POLE: variants seen among roughly 807,000 people sequenced by gnomAD.
The protein encoded by POLE is DNA polymerase epsilon, catalytic subunit, also known as DNA polymerase epsilon catalytic subunit A.
POLE carries 188 observed loss-of-function variants against 279.2 expected under a neutral mutation model. The observed-to-expected ratio is 0.67, with a 90% CI of 0.60 to 0.76. POLE has a LOEUF of 0.76. Ranked by LOEUF, POLE falls within the 30% of genes least tolerant of loss-of-function variation. The probability of loss-of-function intolerance (pLI) is 0.00; values close to 1 mark genes in which losing one functional copy is unlikely to be tolerated. For synonymous variants in POLE, 1,214 were observed against 1,172.5 expected (o/e 1.04, Z -0.72); for missense variants, 2,703 against 3,016.7 (o/e 0.90, Z 2.44).
At chr12:132,656,801 T>C (rs1307294540) in intron 29 of POLE, among the ~76,000 whole-genome samples, 1 of 152,224 alleles carries the variant, frequency 6.6e-6, no homozygotes, top group East Asian at 1.9e-4. Context: ...TTTCTAAGTG[T>C]TTCCATAGGG....
At chr12:132,637,911 C>G (rs910799397) in intron 41 of POLE, 103 bp downstream of exon 41, 2 of 1,358,022 alleles carry the variant, frequency 1.5e-6, no homozygotes, top group Non-Finnish European at 1.0e-6. Context: ...GCACTTCTAA[C>G]GACCTCCCAG....
At chr12:132,671,883 T>G (rs1472806562) in intron 16 of POLE, among the ~76,000 whole-genome samples, 1 of 152,118 alleles carries the variant, frequency 6.6e-6, no homozygotes, top group Non-Finnish European at 1.5e-5. Flanking sequence ...CAACAAAAAG[T>G]AAATAAAATT....
chr12:132,666,862 A>G (rs1418918417), intron 20 of POLE, among the ~76,000 whole-genome samples: 1 of 152,164 alleles, frequency 6.6e-6, no homozygotes, highest in Non-Finnish European at 1.5e-5. Context: ...ACTAAATGTC[A>G]TATTATGTCC....
chr12:132,641,073 TTA>T, intron 39 of POLE: 1 of 456,704 alleles, frequency 2.2e-6, no homozygotes, highest in Non-Finnish European at 4.4e-6. Context: ...CTCAGTTTCC[TTA>T]TCTGAAAAAC....
chr12:132,675,235 G>A lies in POLE; in HGVS notation c.1226+163C>T, dbSNP rs1031890585. On this transcript the variant is annotated intron_variant, in intron 12 of 48. Coordinates refer to ENST00000320574, the MANE Select transcript of POLE (RefSeq NM_006231.4). The surrounding 1 kb of genome is among the most constrained non-coding windows in gnomAD (Gnocchi z 4.3). ...TCAACAGTCAAAGACAGCACATCCC[G>A]GGCCCTGGCAGGGTTGCAGCTGCCA... Among the ~76,000 whole-genome samples, 9 of 152,192 alleles carry A rather than the reference G, an allele frequency of 5.9e-5. No homozygotes were observed. The highest frequency in any genetic ancestry group is 8.8e-5 in the Non-Finnish European group (6 of 68,034).
At chr12:132,683,008 T>C (rs1488960238) in intron 1 of POLE, among the ~76,000 whole-genome samples, 1 of 152,074 alleles carries the variant, frequency 6.6e-6, no homozygotes, top group African/African-American at 2.4e-5. Context: ...AGACCCTTCC[T>C]TTGTCTGAAG....
intron 20 of POLE, among the ~76,000 whole-genome samples, chr12:132,667,171 C>T (rs963028982): frequency 6.6e-6 from 1 of 152,084 alleles, no homozygotes; most frequent in African/African-American, 2.4e-5. Flanking sequence ...CCCATGACAG[C>T]GGGAAAGAGA....
rs1284425053 is a variant in POLE at position 132,634,736 on chromosome 12, G to A, written c.5812-358C>T. 6.6e-6 allele frequency among the ~76,000 whole-genome samples: 1 copy of A among 152,076 alleles called. No individual in the cohort carries two copies. The highest frequency in any genetic ancestry group is 1.5e-5 in the Non-Finnish European group (1 of 68,012). On this transcript the variant is annotated intron_variant, in intron 42 of 48. Transcript: ENST00000320574. The surrounding 1 kb of genome is among the most constrained non-coding windows in gnomAD (Gnocchi z 4.0). ...TCTGAGTCCATGAATCTCCTGGGAC[G>A]GCACGACCCCATCACAGACCCAGCC...
In POLE at chr12:132,624,692, G is replaced by A. The variant is rs767862489; in HGVS notation, c.*5C>T. On this transcript the variant is annotated 3_prime_UTR_variant, in exon 49 of 49. Transcript: ENST00000320574. ...GACGCAGAGGCACCCGGGGCCCGGG[G>A]CTGGCTAATGGCCCAGCTGTGGGTT... 6.3e-7 allele frequency: 1 copy of A among 1,584,022 alleles called. No individual in the cohort carries two copies. The highest frequency in any genetic ancestry group is 1.7e-5 in the Admixed American group (1 of 60,010).
intron 16 of POLE, among the ~76,000 whole-genome samples, chr12:132,671,517 A>G (rs2042927275): frequency 6.6e-6 from 1 of 150,812 alleles, no homozygotes; most frequent in African/African-American, 2.5e-5. Flanking sequence ...AAAAATACAA[A>G]AACTAGCCAG....
In POLE at chr12:132,642,554, T is replaced by C. The variant is rs777021351; in HGVS notation, c.4904A>G (p.His1635Arg). ...QRHGARRMIRHYLNLDTCLSQ... is the reference protein window; with the variant it reads ...QRHGARRMIRRYLNLDTCLSQ... ...CAGGCAGGTGTCCAGGTTGAGGTAG[T>C]GACGGATCATGCGCCGGGCTCCATG... The change falls in exon 37 of 49, where the codon CAC becomes CGC. Residue 1635 changes from histidine (H) to arginine (R), a missense_variant. Physicochemically the swap from His to Arg is conservative, Grantham distance 29. Coordinates refer to ENST00000320574, the MANE Select transcript of POLE (RefSeq NM_006231.4). 2 of 1,613,606 alleles carry C rather than the reference T, an allele frequency of 1.2e-6. No homozygotes were observed. Among genetic ancestry groups the C allele is most frequent in the South Asian group, 2.2e-5 (2 of 91,084 alleles).
chr12:132,634,283 T>C lies in POLE; in HGVS notation c.5907A>G (p.Glu1969=), dbSNP rs1060504069. 2 of 1,614,212 alleles carry C rather than the reference T, an allele frequency of 1.2e-6. No individual in the cohort carries two copies. The highest frequency in any genetic ancestry group is 1.7e-6 in the Non-Finnish European group (2 of 1,180,026). ...RDGEEEEEAE[E]SNVEDLLENN... ...TTTCCAGTAAATCCTCCACGTTGGATTCCTCCGCCTCTTCCTCCTCCTCCC... is the reference window on the plus strand; with the variant it reads ...TTTCCAGTAAATCCTCCACGTTGGACTCCTCCGCCTCTTCCTCCTCCTCCC... Residue 1969 remains glutamate (E), a synonymous_variant, in exon 43 of 49, where the codon GAA becomes GAG. Transcript: ENST00000320574. The surrounding 1 kb of genome is among the most constrained non-coding windows in gnomAD (Gnocchi z 4.0).
At position 132,634,106 on chromosome 12, in the gene POLE, G is replaced by T; in HGVS notation, c.6004+80C>A. The T allele has an allele frequency of 2.3e-6, 3 of 1,286,324 alleles. No individual in the cohort carries two copies. Among genetic ancestry groups the T allele is most frequent in the Non-Finnish European group, 2.2e-6 (2 of 919,790 alleles). The allele number at this position is 1,286,324 out of a possible 1,614,324, so 79.7% of individuals were successfully genotyped here. ...TGATTTTCCCTGTCTCCCTTCTTGC[G>T]ATACCATGGCACAGGAGCCACATCT... On this transcript the variant is annotated intron_variant, in intron 43 of 48. Transcript: ENST00000320574. This position sits in a 1 kb window ranked among gnomAD's most constrained non-coding sequence, Gnocchi z 4.0.
At chr12:132,641,043 A>G in intron 39 of POLE, 1 of 456,744 alleles carries the variant, frequency 2.2e-6, no homozygotes, top group Non-Finnish European at 4.4e-6. Context: ...TGGTATGACC[A>G]CAAAGGCAGC....
At chr12:132,644,031 G>C (rs112599221) in intron 32 of POLE, 54 bp from the exon 33 acceptor site, 2 of 1,582,270 alleles carry the variant, frequency 1.3e-6, no homozygotes. Flanking sequence ...TAATGTCTGT[G>C]GTACACACAC....
intron 40 of POLE, 128 bp downstream of exon 40, chr12:132,638,997 T>C (rs1230074252): frequency 6.2e-6 from 5 of 804,352 alleles, no homozygotes; most frequent in African/African-American, 1.7e-5. Flanking sequence ...TGGATTGTTA[T>C]GCTCCACAAA....
chr12:132,668,511 G>A lies in POLE; in HGVS notation c.2027-9C>T, dbSNP rs2135976538. 1 of 1,584,186 alleles carries A rather than the reference G, an allele frequency of 6.3e-7. No homozygotes were observed. The highest frequency in any genetic ancestry group is 8.6e-7 in the Non-Finnish European group (1 of 1,161,538). ...GCTGCGACTGGCTGGCACTGGGAAG[G>A]AGGCAATGGGGGCAAGTTCAAAAGG... On this transcript the variant is annotated splice_polypyrimidine_tract_variant and intron_variant, in intron 18 of 48. Coordinates refer to ENST00000320574, the MANE Select transcript of POLE (RefSeq NM_006231.4). The surrounding 1 kb of genome is among the most constrained non-coding windows in gnomAD (Gnocchi z 4.0).
Position 132,641,694 on chromosome 12 carries a change from A to G in POLE, c.5331T>C (p.Ser1777=), listed in dbSNP as rs1472516204. ...EDMITGGQAA[S]APASYDETAL... ...CTGTCTCATCGTAGCTGGCCGGGGC[A>G]CTGGCAGCCTGACCACCCGTGATCA... The change falls in exon 39 of 49, where the codon AGT becomes AGC. Residue 1777 remains serine, a synonymous_variant. Transcript: ENST00000320574. The G allele has an allele frequency of 6.2e-7, 1 of 1,613,940 alleles. No homozygotes were observed. The highest frequency in any genetic ancestry group is 8.5e-7 in the Non-Finnish European group (1 of 1,180,024).
At chr12:132,667,907 C>A (rs914239897) in intron 19 of POLE, among the ~76,000 whole-genome samples, 2 of 152,040 alleles carry the variant, frequency 1.3e-5, no homozygotes, top group African/African-American at 4.8e-5. Context: ...CATGGCAAGA[C>A]CCCATCTCTA....
Sources: gnomAD v4.1 joint callset for allele counts (sites outside exome capture counted in the v4.1 genomes callset) on GRCh38, gnomAD v4.1.1 for gene constraint, Gnocchi (gnomAD v3.1) non-coding constraint, MANE v1.5 for transcripts, NCBI Gene and HGNC (gene_info 2026-07-23, HGNC 2026-07-21) for gene names.